Variants in ELMO1 observed in about 807,000 individuals in gnomAD.
ELMO1 encodes engulfment and cell motility protein 1.
In ELMO1, 26 loss-of-function variants were observed where a neutral mutation model predicts 98.9. The ratio of observed to expected loss-of-function variants is 0.26; its 90% confidence interval spans 0.19 to 0.36. The LOEUF (loss-of-function observed/expected upper bound fraction) is 0.36, where lower values mean the gene tolerates loss of function less well. ELMO1 is among the 10% of genes least tolerant of loss of function. The probability of loss-of-function intolerance (pLI) is 1.00; values close to 1 mark genes in which losing one functional copy is unlikely to be tolerated. For missense variants in ELMO1, 627 were observed against 935.2 expected, an observed-to-expected ratio of 0.67 and a Z score of 4.30; for synonymous variants, 346 against 346.0, an observed-to-expected ratio of 1.00 and a Z score of 0.00.
At chr7:37,364,669 C>G (rs1801828335) in intron 1 of ELMO1, among the ~76,000 whole-genome samples, 1 of 151,200 alleles carries the variant, frequency 6.6e-6, no homozygotes, top group South Asian at 2.1e-4. Flanking sequence ...CTTCTCATTT[C>G]ACCATTTTAA....
At chr7:37,025,892 ATAT>A in intron 15 of ELMO1, among the ~76,000 whole-genome samples, 1 of 89,076 alleles carries the variant, frequency 1.1e-5, no homozygotes, top group Non-Finnish European at 2.3e-5. Context: ...TATATATTAT[ATAT>A]TCTATCTATC....
At chr7:37,061,416 G>A (rs769796985) in intron 15 of ELMO1, among the ~76,000 whole-genome samples, 3 of 152,124 alleles carry the variant, frequency 2.0e-5, no homozygotes, top group Non-Finnish European at 2.9e-5. Flanking sequence ...CAGGCCTAAC[G>A]AATAGTGGAA....
intron 15 of ELMO1, among the ~76,000 whole-genome samples, chr7:37,069,981 C>A (rs1055603038): frequency 6.6e-6 from 1 of 152,070 alleles, no homozygotes; most frequent in African/African-American, 2.4e-5. Context: ...TATCAGTTGT[C>A]AGAGGCAACT....
At chr7:36,896,543 C>A (rs563639514) in intron 16 of ELMO1, among the ~76,000 whole-genome samples, 1 of 152,344 alleles carries the variant, frequency 6.6e-6, no homozygotes, top group East Asian at 1.9e-4. Context: ...TGGAACACCA[C>A]TGTGTATTAG....
chr7:37,163,761 A>C (rs1789412724), intron 13 of ELMO1, among the ~76,000 whole-genome samples: 1 of 152,168 alleles, frequency 6.6e-6, no homozygotes, highest in Non-Finnish European at 1.5e-5. Context: ...GGTTGGTTCC[A>C]AGTCTTTGCT....
intron 1 of ELMO1, among the ~76,000 whole-genome samples, chr7:37,398,235 C>G (rs1364156360): frequency 6.6e-6 from 1 of 152,174 alleles, no homozygotes; most frequent in Non-Finnish European, 1.5e-5. Flanking sequence ...ATTAAAAGAG[C>G]TCACAGAGCT....
chr7:37,272,082 A>C (rs1796587552), intron 4 of ELMO1, among the ~76,000 whole-genome samples, 200 bp from the exon 5 acceptor site: 1 of 152,230 alleles, frequency 6.6e-6, no homozygotes, highest in Admixed American at 6.5e-5. Flanking sequence ...ACCCAAAGAA[A>C]AGGAATATGG....
chr7:37,363,480 C>T (rs1006968548), intron 1 of ELMO1, among the ~76,000 whole-genome samples: 2 of 152,132 alleles, frequency 1.3e-5, no homozygotes, highest in Non-Finnish European at 2.9e-5. Flanking sequence ...GACCTCATCC[C>T]GCGCATCCAT....
At chr7:37,099,819 A>G (rs1478593567) in intron 14 of ELMO1, among the ~76,000 whole-genome samples, 18 of 151,230 alleles carry the variant, frequency 1.2e-4, no homozygotes, top group Non-Finnish European at 8.8e-5. Flanking sequence ...AGCCTGTGTC[A>G]GTCCTGGAGT....
At chr7:37,006,815 C>A (rs17170827) in intron 16 of ELMO1, among the ~76,000 whole-genome samples, 1 of 152,118 alleles carries the variant, frequency 6.6e-6, no homozygotes, top group South Asian at 2.1e-4. Context: ...CTGTTATTAA[C>A]ACATATCTGT....
At chr7:37,069,122 G>C (rs1286507403) in intron 15 of ELMO1, among the ~76,000 whole-genome samples, 5 of 152,102 alleles carry the variant, frequency 3.3e-5, no homozygotes, top group East Asian at 3.9e-4. Flanking sequence ...CCAGTGGTGG[G>C]AACAGCTCCA....
At chr7:36,950,811 T>A (rs1179773713) in intron 16 of ELMO1, among the ~76,000 whole-genome samples, 1 of 152,128 alleles carries the variant, frequency 6.6e-6, no homozygotes, top group Non-Finnish European at 1.5e-5. Flanking sequence ...GAAGACAAGC[T>A]GAGGATGCAC....
chr7:37,185,629 C>T (rs974900739), intron 13 of ELMO1, among the ~76,000 whole-genome samples: 1 of 152,066 alleles, frequency 6.6e-6, no homozygotes, highest in East Asian at 1.9e-4. Flanking sequence ...AACATGGTTA[C>T]ATGGCTCAAG....
intron 16 of ELMO1, among the ~76,000 whole-genome samples, chr7:36,994,729 T>C (rs889594037): frequency 6.6e-5 from 10 of 152,256 alleles, no homozygotes; most frequent in African/African-American, 1.9e-4. Context: ...TTCTAGGTGC[T>C]GGGTCCAGCT....
At chr7:37,130,395 G>A (rs1220475791) in intron 14 of ELMO1, among the ~76,000 whole-genome samples, 1 of 152,176 alleles carries the variant, frequency 6.6e-6, no homozygotes, top group African/African-American at 2.4e-5. Context: ...CTGGGGGCCT[G>A]TGCATTTCAT....
At position 36,986,419 on chromosome 7, in the gene ELMO1, C is replaced by G. The variant is rs148136641; in HGVS notation, c.1437+26880G>C. The G allele has an allele frequency of 4.7e-3, 1,009 of 216,850 alleles. 2 individuals are homozygous for G. Among genetic ancestry groups the G allele is most frequent in the Non-Finnish European group, 6.3e-3 (807 of 127,272 alleles). 13.4% of individuals were successfully genotyped at this position (216,850 alleles called of 1,614,324 possible). On this transcript the variant is annotated intron_variant, in intron 16 of 21. Coordinates refer to ENST00000310758, the MANE Select transcript of ELMO1 (RefSeq NM_014800.11). The stretch of plus-strand genomic sequence containing the variant: ...GTCTTGGTACTTCTCAATATATCCC[C>G]CACTTTTTCTTATAAAGAACTAAAA...
chr7:37,380,189 A>G (rs1802527052), intron 1 of ELMO1, among the ~76,000 whole-genome samples: 1 of 152,214 alleles, frequency 6.6e-6, no homozygotes, highest in South Asian at 2.1e-4. Flanking sequence ...CCTGGCTTGC[A>G]AACCCATATT....
intron 13 of ELMO1, among the ~76,000 whole-genome samples, chr7:37,172,087 C>T (rs995859176): frequency 6.6e-6 from 1 of 152,070 alleles, no homozygotes; most frequent in African/African-American, 2.4e-5. Flanking sequence ...GTTATCAGAG[C>T]CTCCAATGAC....
chr7:37,296,868 G>C (rs1162696773), intron 4 of ELMO1, among the ~76,000 whole-genome samples: 1 of 152,108 alleles, frequency 6.6e-6, no homozygotes, highest in Non-Finnish European at 1.5e-5. Flanking sequence ...TTACAGAAAA[G>C]AGGAAAATTA....
Sources: allele counts gnomAD v4.1 joint callset (sites outside exome capture counted in the v4.1 genomes callset), GRCh38; gene constraint gnomAD v4.1.1; transcripts MANE v1.5; gene names NCBI Gene and HGNC (gene_info 2026-07-23, HGNC 2026-07-21).